Variants in CD6 observed in about 807,000 individuals in gnomAD.
The protein encoded by CD6 is T-cell differentiation antigen CD6.
In CD6, 53 loss-of-function variants were observed where a neutral mutation model predicts 75.3. The observed-to-expected ratio is 0.70, with a 90% CI of 0.56 to 0.88. The LOEUF (loss-of-function observed/expected upper bound fraction) is 0.88. Ranked by LOEUF, CD6 falls within the 40% of genes least tolerant of loss-of-function variation. The probability of loss-of-function intolerance (pLI) is 0.00; values close to 1 mark genes in which losing one functional copy is unlikely to be tolerated. For synonymous variants in CD6, 359 were observed against 381.5 expected (o/e 0.94, Z 0.69); for missense variants, 770 against 897.1 (o/e 0.86, Z 1.81).
chr11:60,977,032 C>T (rs765782474), intron 1 of CD6, among the ~76,000 whole-genome samples: 7 of 152,132 alleles, frequency 4.6e-5, no homozygotes, highest in Non-Finnish European at 1.0e-4. Context: ...GTTAGCGTGG[C>T]CTTCACCGTA....
intron 1 of CD6, among the ~76,000 whole-genome samples, chr11:60,992,653 C>G (rs1182725061): frequency 6.6e-6 from 1 of 151,742 alleles, no homozygotes; most frequent in East Asian, 1.9e-4. Flanking sequence ...CATGGTGAAA[C>G]CCGGTCTCTA....
chr11:60,997,693 GA>G (rs1171276372), intron 1 of CD6, among the ~76,000 whole-genome samples: 2 of 152,102 alleles, frequency 1.3e-5, no homozygotes, highest in Non-Finnish European at 2.9e-5. Flanking sequence ...AGTTACAATT[GA>G]AAAAGGAGAA....
chr11:61,019,104 C>T, intron 12 of CD6, 150 bp from the exon 13 acceptor site: 1 of 615,904 alleles, frequency 1.6e-6, no homozygotes. Context: ...ATGTTCTAGT[C>T]AGGGACATGG....
At chr11:61,003,279 A>G (rs1858684557) in intron 1 of CD6, among the ~76,000 whole-genome samples, 1 of 152,128 alleles carries the variant, frequency 6.6e-6, no homozygotes, top group South Asian at 2.1e-4. Context: ...TCAATTCTTA[A>G]ACATCCAACT....
intron 1 of CD6, among the ~76,000 whole-genome samples, chr11:60,983,385 C>G (rs1857664883): frequency 6.6e-6 from 1 of 152,112 alleles, no homozygotes; most frequent in South Asian, 2.1e-4. Flanking sequence ...AGCCACTGCA[C>G]CTGGCCTGTT....
chr11:60,981,963 CACACTCAAAAGTCCGGCCA>C (rs1359524614), intron 1 of CD6, among the ~76,000 whole-genome samples: 3 of 151,500 alleles, frequency 2.0e-5, no homozygotes. Context: ...GGGGTGGGGG[CACACTCAAAAGTCCGGCCA>C]ATAAGTGTCC....
chr11:60,981,747 G>A (rs1320674491), intron 1 of CD6, among the ~76,000 whole-genome samples: 1 of 152,190 alleles, frequency 6.6e-6, no homozygotes, highest in African/African-American at 2.4e-5. Context: ...CATTTTGTAG[G>A]CTCCTGCAGC....
At chr11:60,985,573 A>AAT (rs3072194) in intron 1 of CD6, among the ~76,000 whole-genome samples, 69,303 of 151,198 alleles carry the variant, frequency 0.46, 18,323 homozygotes, top group East Asian at 0.88. Context: ...AAGTAAATAG[A>AAT]ATATATATAT....
At chr11:61,018,999 G>A (rs1859553163) in intron 12 of CD6, 2 of 421,534 alleles carry the variant, frequency 4.7e-6, no homozygotes, top group Non-Finnish European at 8.4e-6. Context: ...TAGCAGAGGG[G>A]CTTCCAACAT....
rs139299194 is a variant in CD6 at position 60,974,676 on chromosome 11, C to T, written c.49+2762C>T. The stretch of plus-strand genomic sequence containing the variant: ...TTAGAGATTCAAGCCTCCAGTTCTC[C>T]GCCTCAGTTTCCTGATCAGCCAACT... On this transcript the variant is annotated intron_variant, in intron 1 of 12. Coordinates refer to ENST00000313421, the MANE Select transcript of CD6 (RefSeq NM_006725.5). 8.0e-3 allele frequency among the ~76,000 whole-genome samples: 1,216 copies of T among 152,318 alleles called. 9 individuals carry two copies. The highest frequency in any genetic ancestry group is 0.013 in the Non-Finnish European group (912 of 68,034).
rs142189680 is a variant in CD6 at position 60,991,371 on chromosome 11, T to C, written c.50-15203T>C. ...CTTCTCCATGTTGGTCAGGCTGATC[T>C]TGAACTCCCAACCTCAGGTGATACA... is the stretch of plus-strand genomic sequence containing the variant. On this transcript the variant is annotated intron_variant, in intron 1 of 12. Coordinates refer to ENST00000313421, the MANE Select transcript of CD6 (RefSeq NM_006725.5). Among the ~76,000 whole-genome samples, 529 of 151,912 alleles carry C rather than the reference T, an allele frequency of 3.5e-3. 8 individuals carry two copies. The highest frequency in any genetic ancestry group is 0.012 in the African/African-American group (502 of 41,242).
At chr11:60,992,206 G>T (rs899600042) in intron 1 of CD6, among the ~76,000 whole-genome samples, 3 of 151,064 alleles carry the variant, frequency 2.0e-5, no homozygotes, top group Non-Finnish European at 3.0e-5. Flanking sequence ...AATTTATTTT[G>T]TAGAGATAGG....
At position 61,009,627 on chromosome 11, in the gene CD6, G is replaced by A; in HGVS notation, c.837G>A (p.Glu279=). 4 of 1,613,642 alleles carry A rather than the reference G, an allele frequency of 2.5e-6. No individual in the cohort carries two copies. The highest frequency in any genetic ancestry group is 4.5e-5 in the East Asian group (2 of 44,888). The change falls in exon 5 of 13, where the codon GAG becomes GAA. Residue 279 remains glutamate (E), a synonymous_variant. Transcript: ENST00000313421. ...GGADRCEGQV[E]VHFRGVWNTV... ...CTGACCGCTGCGAGGGGCAGGTGGAGGTACACTTCCGAGGGGTCTGGAACA... is the reference window on the plus strand; with the variant it reads ...CTGACCGCTGCGAGGGGCAGGTGGAAGTACACTTCCGAGGGGTCTGGAACA...
intron 1 of CD6, 134 bp downstream of exon 1, chr11:60,972,048 G>A: frequency 1.1e-6 from 1 of 910,010 alleles, no homozygotes; most frequent in Non-Finnish European, 1.7e-6. Flanking sequence ...CAGGTACCAG[G>A]GAGGTCCAGC....
At position 61,009,586 on chromosome 11, in the gene CD6, C is replaced by T. The variant is rs750247319; in HGVS notation, c.796C>T (p.Arg266Cys). The T allele has an allele frequency of 2.5e-6, 4 of 1,605,552 alleles. No homozygotes were observed. The highest frequency in any genetic ancestry group is 2.2e-5 in the South Asian group (2 of 90,174). The stretch of plus-strand genomic sequence containing the variant: ...CTTCCCTGCAGAGCACCAGTCCTGG[C>T]GCCTGACAGGGGGCGCTGACCGCTG... ...GAVCSEHQSW[R>C]LTGGADRCEG... is the part of the protein sequence containing the mutation. Residue 266 changes from arginine (R) to cysteine (C), a missense_variant, in exon 5 of 13, where the codon CGC becomes TGC. By Grantham distance (180) the Arg-to-Cys change is radical. Coordinates refer to ENST00000313421, the MANE Select transcript of CD6 (RefSeq NM_006725.5).
chr11:61,000,219 A>G (rs1858514226), intron 1 of CD6, among the ~76,000 whole-genome samples: 1 of 152,170 alleles, frequency 6.6e-6, no homozygotes, highest in Non-Finnish European at 1.5e-5. Flanking sequence ...TTTATTTAGG[A>G]TAAGTTCCCA....
chr11:60,985,832 A>G (rs989224812), intron 1 of CD6, among the ~76,000 whole-genome samples: 2 of 152,252 alleles, frequency 1.3e-5, no homozygotes, highest in Admixed American at 1.3e-4. Context: ...GGTGTTAAAG[A>G]CTAAGTAGCA....
chr11:61,012,372 C>T (rs1859192650), intron 6 of CD6, among the ~76,000 whole-genome samples: 1 of 152,232 alleles, frequency 6.6e-6, no homozygotes. Flanking sequence ...TCTGTACCCA[C>T]ATTCACGGGT....
chr11:60,980,133 G>A (rs1185324647), intron 1 of CD6, among the ~76,000 whole-genome samples: 1 of 152,164 alleles, frequency 6.6e-6, no homozygotes, highest in South Asian at 2.1e-4. Flanking sequence ...TGTCACCACT[G>A]GGGGAAGCTG....
Sources: allele counts gnomAD v4.1 joint callset (sites outside exome capture counted in the v4.1 genomes callset), GRCh38; gene constraint gnomAD v4.1.1; transcripts MANE v1.5; gene names NCBI Gene and HGNC (gene_info 2026-07-23, HGNC 2026-07-21).